The following ANKRD55 variants were observed in gnomAD, a reference collection of about 807,000 sequenced individuals.
The protein encoded by ANKRD55 is ankyrin repeat domain-containing protein 55.
A neutral mutation model predicts 60.6 loss-of-function variants in ANKRD55; 41 were observed. The observed-to-expected ratio is 0.68, with a 90% CI of 0.53 to 0.88. The LOEUF (loss-of-function observed/expected upper bound fraction) is 0.88. ANKRD55 is among the 40% of genes least tolerant of loss of function. The probability of loss-of-function intolerance (pLI) is 0.00; values close to 1 mark genes in which losing one functional copy is unlikely to be tolerated. For synonymous variants in ANKRD55, 264 were observed against 290.3 expected, an observed-to-expected ratio of 0.91 and a Z score of 0.92; for missense variants, 732 against 767.6, an observed-to-expected ratio of 0.95 and a Z score of 0.55.
At chr5:56,126,876 G>A in intron 8 of ANKRD55, 46 bp downstream of exon 8, 1 of 1,552,082 alleles carries the variant, frequency 6.4e-7, no homozygotes. Context: ...GATTCAGTTA[G>A]GGGGAAATGA....
intron 8 of ANKRD55, among the ~76,000 whole-genome samples, chr5:56,123,555 T>C (rs984964298): frequency 2.6e-5 from 4 of 152,026 alleles, no homozygotes; most frequent in African/African-American, 9.7e-5. Flanking sequence ...ACAGGACGGG[T>C]CCCCAGCAGA....
chr5:56,225,278 C>T (rs1760080357), intron 2 of ANKRD55, among the ~76,000 whole-genome samples: 1 of 152,184 alleles, frequency 6.6e-6, no homozygotes, highest in South Asian at 2.1e-4. Flanking sequence ...CGACAAAATT[C>T]AACAGCCCTT....
intron 2 of ANKRD55, among the ~76,000 whole-genome samples, chr5:56,225,257 G>A (rs1280971756): frequency 6.6e-6 from 1 of 152,114 alleles, no homozygotes; most frequent in African/African-American, 2.4e-5. Flanking sequence ...AATAGATGCA[G>A]AAAAGGCTTT....
chr5:56,180,284 A>G (rs978388431), intron 3 of ANKRD55, among the ~76,000 whole-genome samples: 6 of 152,238 alleles, frequency 3.9e-5, no homozygotes, highest in Non-Finnish European at 8.8e-5. Flanking sequence ...TTCCCAACAC[A>G]TGAAATTTGA....
intron 6 of ANKRD55, among the ~76,000 whole-genome samples, chr5:56,149,350 T>C (rs1373118959): frequency 6.6e-6 from 1 of 152,156 alleles, no homozygotes; most frequent in East Asian, 1.9e-4. Flanking sequence ...CCTGTAATAA[T>C]TATAAGAATA....
intron 2 of ANKRD55, among the ~76,000 whole-genome samples, chr5:56,196,491 T>C (rs528768251): frequency 6.6e-6 from 1 of 152,228 alleles, no homozygotes; most frequent in Non-Finnish European, 1.5e-5. Context: ...ATTTGGGTGT[T>C]ATTCCCATGT....
chr5:56,144,094 T>C (rs982068545), intron 6 of ANKRD55, among the ~76,000 whole-genome samples, 165 bp from the exon 7 acceptor site: 2 of 152,234 alleles, frequency 1.3e-5, no homozygotes, highest in Non-Finnish European at 2.9e-5. Flanking sequence ...TAGATGTTTA[T>C]TGTCTGTCTG....
intron 8 of ANKRD55, 47 bp downstream of exon 8, chr5:56,126,874 TA>T (rs760430608): frequency 6.4e-7 from 1 of 1,551,806 alleles, no homozygotes; most frequent in East Asian, 2.3e-5. Context: ...AAGATTCAGT[TA>T]GGGGGAAATG....
chr5:56,102,190 CA>C (rs1756301597), intron 11 of ANKRD55, among the ~76,000 whole-genome samples: 1 of 151,832 alleles, frequency 6.6e-6, no homozygotes, highest in Non-Finnish European at 1.5e-5. Context: ...AGTTGGAAAC[CA>C]GCCTGGCCAA....
chr5:56,105,931 A>G (rs1008824973), intron 10 of ANKRD55, among the ~76,000 whole-genome samples: 3 of 152,216 alleles, frequency 2.0e-5, no homozygotes, highest in African/African-American at 7.2e-5. Flanking sequence ...AGCAGACAAT[A>G]CCACAGAGCT....
chr5:56,209,119 G>T (rs996102858), intron 2 of ANKRD55, among the ~76,000 whole-genome samples: 16 of 151,960 alleles, frequency 1.1e-4, no homozygotes, highest in African/African-American at 3.9e-4. Flanking sequence ...TACCAATCTT[G>T]CTGATTTTTG....
intron 2 of ANKRD55, among the ~76,000 whole-genome samples, chr5:56,208,184 C>G (rs767242112): frequency 1.3e-5 from 2 of 152,020 alleles, no homozygotes; most frequent in Non-Finnish European, 2.9e-5. Context: ...CCACTGGAAG[C>G]TCTTCAGGGA....
At chr5:56,202,234 C>A (rs111429803) in intron 2 of ANKRD55, among the ~76,000 whole-genome samples, 3,538 of 151,940 alleles carry the variant, frequency 0.023, 39 homozygotes, top group Middle Eastern at 0.054. Flanking sequence ...ATCTGTGCAG[C>A]AAACAACCAT....
rs566098777 is a variant in ANKRD55, at chr5:56,102,420, C to T, written c.1723+74G>A. The T allele has an allele frequency of 2.4e-3, 2,598 of 1,080,972 alleles. 6 individuals carry two copies. The highest frequency in any genetic ancestry group is 3.2e-3 in the South Asian group (215 of 68,030). The allele number at this position is 1,080,972 out of a possible 1,614,324, so 67.0% of individuals were successfully genotyped here. ...AAAAAAAAAGAAAAATGAAAGTAAA[C>T]GGAAATAACATTTAGTTGTGTCTAG... On this transcript the variant is annotated intron_variant, in intron 11 of 11. Transcript: ENST00000341048.
At position 56,111,224 on chromosome 5, in the gene ANKRD55, A is replaced by C. The variant is rs192856899; in HGVS notation, c.1524T>G (p.Thr508=). The C allele has an allele frequency of 5.0e-6, 8 of 1,614,134 alleles. No individual in the cohort carries two copies. The Admixed American group carries it at 6.7e-5, about 13-fold the overall frequency. The change falls in exon 10 of 12, where the codon ACT becomes ACG. Residue 508 remains threonine (T), a synonymous_variant. Coordinates refer to ENST00000341048, the MANE Select transcript of ANKRD55 (RefSeq NM_024669.3). ...CCAGCAGCTTATCAGAAGAAGACACAGTCCAAACTTTGTAGGAAAATACCT... is the reference window on the plus strand; with the variant it reads ...CCAGCAGCTTATCAGAAGAAGACACCGTCCAAACTTTGTAGGAAAATACCT... ...SNQVFSYKVW[T]VSSSDKLLDR...
intron 7 of ANKRD55, chr5:56,127,596 G>A: frequency 1.0e-6 from 1 of 984,986 alleles, no homozygotes; most frequent in Non-Finnish European, 1.2e-6. Flanking sequence ...TTTCGGGGTA[G>A]GGCCAAGGAG....
chr5:56,204,674 T>C (rs1235017240), intron 2 of ANKRD55, among the ~76,000 whole-genome samples: 4 of 152,210 alleles, frequency 2.6e-5, no homozygotes, highest in Admixed American at 2.6e-4. Context: ...CTTTCCTTTA[T>C]AAATTACCCA....
At position 56,099,772 on chromosome 5, in the gene ANKRD55, G is replaced by GTTTTTTTTTTTTTTTTT. The variant is rs572374829; in HGVS notation, c.*410_*411insAAAAAAAAAAAAAAAAA. On this transcript the variant is annotated 3_prime_UTR_variant, in exon 12 of 12. Coordinates refer to ENST00000341048, the MANE Select transcript of ANKRD55 (RefSeq NM_024669.3). ...TGAAGACATGTTTGTCTGGGATGTG[G>GTTTTTTTTTTTTTTTTT]TTTTTTTTTTGTTTTGTTTTTTGCT... 6.6e-6 allele frequency: 1 copy of GTTTTTTTTTTTTTTTTT among 152,144 alleles called. No individual in the cohort carries two copies. The highest frequency in any genetic ancestry group is 1.4e-5 in the Non-Finnish European group (1 of 69,660). The allele number at this position is 152,144 out of a possible 1,614,324, so 9.4% of individuals were successfully genotyped here. A position where few individuals can be genotyped will look rare whatever the true frequency, so the allele number is the denominator to read the frequency against.
chr5:56,221,929 G>C (rs1013905399), intron 2 of ANKRD55, among the ~76,000 whole-genome samples: 1 of 152,226 alleles, frequency 6.6e-6, no homozygotes, highest in African/African-American at 2.4e-5. Flanking sequence ...GCAGGGCATA[G>C]CTGAACAAAA....
Sources: allele counts gnomAD v4.1 joint callset (sites outside exome capture counted in the v4.1 genomes callset), GRCh38; gene constraint gnomAD v4.1.1; transcripts MANE v1.5; gene names NCBI Gene and HGNC (gene_info 2026-07-23, HGNC 2026-07-21).